PDE6D: variants seen among roughly 807,000 people sequenced by gnomAD.
PDE6D encodes retinal rod rhodopsin-sensitive cGMP 3',5'-cyclic phosphodiesterase subunit delta.
Under a neutral mutation model 21.9 loss-of-function variants are expected in PDE6D, and 10 were observed. The observed-to-expected ratio is 0.46, with a 90% CI of 0.28 to 0.78. PDE6D has a LOEUF of 0.78. Ranked by LOEUF, PDE6D falls within the 30% of genes least tolerant of loss-of-function variation. PDE6D has a pLI of 0.12. For missense variants in PDE6D, 139 were observed against 184.8 expected, an observed-to-expected ratio of 0.75 and a Z score of 1.44; for synonymous variants, 59 against 63.5, an observed-to-expected ratio of 0.93 and a Z score of 0.34.
At chr2:231,761,377 C>A (rs546756924) in intron 1 of PDE6D, among the ~76,000 whole-genome samples, 49 of 140,944 alleles carry the variant, frequency 3.5e-4, no homozygotes, top group African/African-American at 1.2e-3. Context: ...GGGGTTTCAC[C>A]ATGTTAGCCA....
At chr2:231,738,919 C>CA (rs1157734125) in intron 2 of PDE6D, among the ~76,000 whole-genome samples, 181 bp downstream of exon 2, 1,321 of 62,072 alleles carry the variant, frequency 0.021, 30 homozygotes, top group African/African-American at 0.054. Flanking sequence ...GACTGTGTCT[C>CA]AAAAAAAAAA....
intron 1 of PDE6D, among the ~76,000 whole-genome samples, chr2:231,740,630 G>A (rs2048739949): frequency 1.4e-5 from 2 of 144,998 alleles, no homozygotes; most frequent in African/African-American, 5.2e-5. Flanking sequence ...GCAGTGAGCC[G>A]AGATCATGCG....
chr2:231,747,666 A>T (rs1320783784), intron 1 of PDE6D, among the ~76,000 whole-genome samples: 1 of 152,136 alleles, frequency 6.6e-6, no homozygotes, highest in African/African-American at 2.4e-5. Context: ...TCTGCACTTA[A>T]AAAAATCGAG....
In PDE6D at chr2:231,739,020, G is replaced by A; in HGVS notation, c.139+80C>T. On this transcript the variant is annotated intron_variant, in intron 2 of 4. Transcript: ENST00000287600. The surrounding 1 kb of genome is among the most constrained non-coding windows in gnomAD (Gnocchi z 4.2). Reference sequence around the variant, plus strand: ...AGGGGCTCACCCGCCTATTAGGTATGTGTTAACTTAGCTCTCTTATGCTCA... The same window carrying A: ...AGGGGCTCACCCGCCTATTAGGTATATGTTAACTTAGCTCTCTTATGCTCA... 1.2e-6 allele frequency: 1 copy of A among 800,046 alleles called. No homozygotes were observed. Among genetic ancestry groups the A allele is most frequent in the Non-Finnish European group, 2.2e-6 (1 of 461,746 alleles). 49.6% of individuals were successfully genotyped at this position (800,046 alleles called of 1,614,324 possible).
intron 1 of PDE6D, among the ~76,000 whole-genome samples, chr2:231,745,520 C>T (rs1460623040): frequency 6.6e-6 from 1 of 152,128 alleles, no homozygotes; most frequent in Non-Finnish European, 1.5e-5. Flanking sequence ...GTGATTTATA[C>T]GAAGGATGAG....
In PDE6D at chr2:231,781,074, C is replaced by G; in HGVS notation, c.41G>C (p.Gly14Ala). ...GCTCCCGGACGGATACAGTTTGAAG[C>G]CCCTCAGGATCTCCCTGGCCCGCTC... ...KDERAREILR[G>A]FKLNWMNLRD... The change falls in exon 1 of 5, where the codon GGC becomes GCC. Residue 14 changes from glycine to alanine, a missense_variant. Physicochemically the swap from Gly to Ala is moderately conservative, Grantham distance 60. Transcript: ENST00000287600. 6.2e-7 allele frequency: 1 copy of G among 1,613,270 alleles called. No individual in the cohort carries two copies. The highest frequency in any genetic ancestry group is 8.5e-7 in the Non-Finnish European group (1 of 1,179,590).
intron 1 of PDE6D, among the ~76,000 whole-genome samples, chr2:231,759,911 G>A (rs1416652882): frequency 1.3e-5 from 2 of 151,962 alleles, no homozygotes; most frequent in Admixed American, 1.3e-4. Context: ...CCCCAAAACA[G>A]GGAAAAAAGT....
At chr2:231,762,556 G>C (rs2048939817) in intron 1 of PDE6D, among the ~76,000 whole-genome samples, 1 of 151,872 alleles carries the variant, frequency 6.6e-6, no homozygotes, top group Admixed American at 6.6e-5. Context: ...TGTTGGCCAG[G>C]CTGGTCTCAA....
At chr2:231,750,668 T>C in intron 1 of PDE6D, among the ~76,000 whole-genome samples, 1 of 99,144 alleles carries the variant, frequency 1.0e-5, no homozygotes, top group African/African-American at 3.0e-5. Flanking sequence ...TAATTTTTTT[T>C]TTTTTTTTTT....
At chr2:231,778,204 T>C (rs2106290522) in intron 1 of PDE6D, among the ~76,000 whole-genome samples, 1 of 152,326 alleles carries the variant, frequency 6.6e-6, no homozygotes, top group South Asian at 2.1e-4. Flanking sequence ...AGGCGGAGGT[T>C]GCAGTGAGCC....
intron 4 of PDE6D, among the ~76,000 whole-genome samples, chr2:231,734,152 T>C (rs911569187): frequency 1.3e-5 from 2 of 151,548 alleles, no homozygotes; most frequent in African/African-American, 4.9e-5. Flanking sequence ...AGGCGGAGCT[T>C]GCAGTGAGCC....
chr2:231,758,149 G>GTCTA (rs2106276614), intron 1 of PDE6D, among the ~76,000 whole-genome samples: 1 of 152,178 alleles, frequency 6.6e-6, no homozygotes, highest in East Asian at 1.9e-4. Context: ...CTGTCTGTCT[G>GTCTA]TCTAAAACGG....
rs554416655 is a variant in PDE6D at position 231,736,735 on chromosome 2, G to A, written c.371+452C>T. Among the ~76,000 whole-genome samples, 10 of 152,268 alleles carry A rather than the reference G, an allele frequency of 6.6e-5. No individual in the cohort carries two copies. In the East Asian group the frequency reaches 1.2e-3, roughly 18 times the overall value. The stretch of plus-strand genomic sequence containing the variant: ...GATCTAAACAAAATACAGAGATACC[G>A]GAAGTACGGTAGTCAGGAATGGGAG... On this transcript the variant is annotated intron_variant, in intron 4 of 4. Transcript: ENST00000287600.
intron 3 of PDE6D, 31 bp downstream of exon 3, chr2:231,737,982 C>T: frequency 1.9e-6 from 3 of 1,602,702 alleles, no homozygotes; most frequent in Non-Finnish European, 2.6e-6. Context: ...CGCCCTAAGC[C>T]CTGATTTCAG....
intron 1 of PDE6D, among the ~76,000 whole-genome samples, chr2:231,747,964 G>A (rs1427330529): frequency 1.3e-5 from 2 of 152,180 alleles, no homozygotes; most frequent in Admixed American, 6.5e-5. Flanking sequence ...TGATTCTGAG[G>A]CCTCTCCAAC....
chr2:231,781,020 C>A (rs755699954), intron 1 of PDE6D, 45 bp downstream of exon 1: 14 of 1,563,018 alleles, frequency 9.0e-6, no homozygotes, highest in Non-Finnish European at 8.8e-6. Context: ...AGTGAGCGGC[C>A]GCCTCCCAAG....
chr2:231,776,152 C>A (rs373887336), intron 1 of PDE6D, among the ~76,000 whole-genome samples: 4 of 151,960 alleles, frequency 2.6e-5, no homozygotes, highest in South Asian at 2.1e-4. Flanking sequence ...GAAACCCCCT[C>A]TCTACTAAAA....
chr2:231,745,106 T>A (rs1012554599), intron 1 of PDE6D, among the ~76,000 whole-genome samples: 5 of 151,982 alleles, frequency 3.3e-5, no homozygotes, highest in Admixed American at 2.6e-4. Context: ...TAATAGTCTA[T>A]TAGTAAGGAG....
chr2:231,736,363 G>C (rs1019108986), intron 4 of PDE6D, among the ~76,000 whole-genome samples: 1 of 152,058 alleles, frequency 6.6e-6, no homozygotes, highest in African/African-American at 2.4e-5. Context: ...ACCCAGGCTG[G>C]AATGCAGTGA....
Sources: allele counts gnomAD v4.1 joint callset (sites outside exome capture counted in the v4.1 genomes callset), GRCh38; gene constraint gnomAD v4.1.1; non-coding constraint Gnocchi (gnomAD v3.1); transcripts MANE v1.5; gene names NCBI Gene and HGNC (gene_info 2026-07-23, HGNC 2026-07-21).